SMURF2: variants seen among roughly 807,000 people sequenced by gnomAD.
SMURF2 encodes SMAD specific E3 ubiquitin protein ligase 2.
Under a neutral mutation model 109.6 loss-of-function variants are expected in SMURF2, and 48 were observed. The observed-to-expected ratio is 0.44, with a 90% CI of 0.35 to 0.56. The LOEUF (loss-of-function observed/expected upper bound fraction) is 0.56, where lower values mean the gene tolerates loss of function less well. SMURF2 is among the 20% of genes least tolerant of loss of function. The pLI is 0.01. For synonymous variants in SMURF2, 288 were observed against 317.1 expected (o/e 0.91, Z 0.97); for missense variants, 575 against 909.0 (o/e 0.63, Z 4.72).
At chr17:64,661,199 G>A (rs530265370) in intron 1 of SMURF2, among the ~76,000 whole-genome samples, 3 of 152,248 alleles carry the variant, frequency 2.0e-5, no homozygotes, top group South Asian at 2.1e-4. Context: ...AAAACACAGT[G>A]TACAATGAGC....
At chr17:64,659,501 T>G (rs1203210496) in intron 1 of SMURF2, among the ~76,000 whole-genome samples, 2 of 145,936 alleles carry the variant, frequency 1.4e-5, no homozygotes, top group Non-Finnish European at 3.0e-5. Flanking sequence ...TCTTAAGGTC[T>G]TCACAAAGAA....
intron 1 of SMURF2, among the ~76,000 whole-genome samples, chr17:64,652,514 A>C (rs1555693587): frequency 6.6e-6 from 1 of 152,160 alleles, no homozygotes; most frequent in African/African-American, 2.4e-5. Context: ...TTGAGACAGA[A>C]TCTCGCTCTG....
chr17:64,609,062 A>G (rs1970009017), intron 1 of SMURF2, among the ~76,000 whole-genome samples: 1 of 152,204 alleles, frequency 6.6e-6, no homozygotes, highest in African/African-American at 2.4e-5. Flanking sequence ...TACAACTTAC[A>G]AGGGATGTGA....
chr17:64,585,126 A>C (rs1268280197), intron 6 of SMURF2, among the ~76,000 whole-genome samples: 6 of 152,244 alleles, frequency 3.9e-5, no homozygotes, highest in African/African-American at 1.4e-4. Flanking sequence ...CAATGGATGC[A>C]ATTTATTACA....
chr17:64,578,797 CTT>C (rs1449834852), intron 8 of SMURF2, among the ~76,000 whole-genome samples: 1 of 152,190 alleles, frequency 6.6e-6, no homozygotes, highest in Non-Finnish European at 1.5e-5. Flanking sequence ...ACAAACTAAA[CTT>C]ATAACGTGGC....
intron 17 of SMURF2, among the ~76,000 whole-genome samples, chr17:64,546,685 C>G (rs1384284835): frequency 6.6e-6 from 1 of 152,142 alleles, no homozygotes; most frequent in African/African-American, 2.4e-5. Context: ...GGCACACATT[C>G]AAAAAGATGA....
intron 2 of SMURF2, among the ~76,000 whole-genome samples, chr17:64,605,492 G>A (rs1969955972): frequency 6.6e-6 from 1 of 151,746 alleles, no homozygotes; most frequent in Non-Finnish European, 1.5e-5. Context: ...GGAGGCTGAG[G>A]TAGGAGGATC....
intron 1 of SMURF2, among the ~76,000 whole-genome samples, chr17:64,631,267 AGAGAGGGGGGGG>A (rs1970336370): frequency 3.1e-4 from 1 of 3,188 alleles, no homozygotes; most frequent in African/African-American, 1.7e-3. Flanking sequence ...GGTGGGGGGG[AGAGAGGGGGGGG>A]GGGAGAGAGA....
At chr17:64,622,002 G>A (rs1328207718) in intron 1 of SMURF2, among the ~76,000 whole-genome samples, 12 of 142,046 alleles carry the variant, frequency 8.4e-5, no homozygotes, top group Non-Finnish European at 3.0e-5. Context: ...AAGCACTGTA[G>A]TGAGCCATCA....
intron 12 of SMURF2, among the ~76,000 whole-genome samples, chr17:64,558,794 C>A (rs1488835649): frequency 6.6e-6 from 1 of 152,156 alleles, no homozygotes; most frequent in African/African-American, 2.4e-5. Flanking sequence ...TTGTTACTCA[C>A]TTTGGAAATT....
intron 12 of SMURF2, among the ~76,000 whole-genome samples, chr17:64,558,598 A>T (rs1969161608): frequency 6.6e-6 from 1 of 152,194 alleles, no homozygotes; most frequent in African/African-American, 2.4e-5. Context: ...ATAAAAATAT[A>T]AGTGGGCAAG....
intron 1 of SMURF2, among the ~76,000 whole-genome samples, chr17:64,626,535 G>A (rs1321654646): frequency 1.3e-5 from 2 of 152,132 alleles, no homozygotes; most frequent in African/African-American, 2.4e-5. Flanking sequence ...GGCTGAGGCA[G>A]GCGGATCATT....
intron 1 of SMURF2, among the ~76,000 whole-genome samples, chr17:64,612,952 T>C (rs1441997865): frequency 6.6e-6 from 1 of 152,194 alleles, no homozygotes; most frequent in East Asian, 1.9e-4. Flanking sequence ...AATATCAAGA[T>C]TGGTCAGACC....
At chr17:64,559,926 T>C (rs1311488830) in intron 12 of SMURF2, among the ~76,000 whole-genome samples, 1 of 151,644 alleles carries the variant, frequency 6.6e-6, no homozygotes. Context: ...CTTTTTTTTT[T>C]AGTTTTTAGT....
chr17:64,552,011 T>C (rs1285490702), intron 15 of SMURF2, among the ~76,000 whole-genome samples: 3 of 152,230 alleles, frequency 2.0e-5, no homozygotes, highest in Non-Finnish European at 2.9e-5. Flanking sequence ...AATTTCTTTC[T>C]AAACTTACAG....
chr17:64,575,465 TAA>T (rs1159985494), intron 9 of SMURF2, among the ~76,000 whole-genome samples: 20 of 152,084 alleles, frequency 1.3e-4, no homozygotes, highest in Admixed American at 6.5e-5. Flanking sequence ...CACTACTTTT[TAA>T]AAACTAACAG....
Position 64,624,943 on chromosome 17 carries a change from C to A in SMURF2, c.53-18303G>T, listed in dbSNP as rs539972330. Among the ~76,000 whole-genome samples the A allele has an allele frequency of 4.6e-5, 7 of 152,276 alleles. No individual in the cohort carries two copies. In the South Asian group the frequency reaches 1.2e-3, roughly 27 times the overall value. On this transcript the variant is annotated intron_variant, in intron 1 of 18. Transcript: ENST00000262435. ...GTGGCCACATTTGCAGTATGTGATC[C>A]TGACCCACTGGCCACTGCTAATTGG...
intron 1 of SMURF2, among the ~76,000 whole-genome samples, chr17:64,639,366 C>T (rs987499982): frequency 6.6e-6 from 1 of 152,056 alleles, no homozygotes; most frequent in East Asian, 1.9e-4. Flanking sequence ...CACTTGAGGT[C>T]AGGAGTTCCA....
chr17:64,626,270 A>C (rs556087568), intron 1 of SMURF2, among the ~76,000 whole-genome samples: 61 of 151,948 alleles, frequency 4.0e-4, no homozygotes, highest in African/African-American at 1.4e-3. Context: ...AAAAAAAAAA[A>C]AAAACAAAAA....
Sources: allele counts gnomAD v4.1 joint callset (sites outside exome capture counted in the v4.1 genomes callset), GRCh38; gene constraint gnomAD v4.1.1; transcripts MANE v1.5; gene names NCBI Gene and HGNC (gene_info 2026-07-23, HGNC 2026-07-21).